SLC41A3: variants seen among roughly 807,000 people sequenced by gnomAD.
SLC41A3 encodes the protein SLC41A1-like 2.
Under a neutral mutation model 45.4 loss-of-function variants are expected in SLC41A3, and 44 were observed. That is an observed-to-expected ratio of 0.97 (90% CI 0.76 to 1.25). The LOEUF (loss-of-function observed/expected upper bound fraction) is 1.25, where lower values mean the gene tolerates loss of function less well. Among genes scored for constraint, SLC41A3 ranks in the 50% most tolerant of loss-of-function variants. The pLI is 0.00. For missense variants in SLC41A3, 550 were observed against 600.6 expected (o/e 0.92, Z 0.88); for synonymous variants, 256 against 252.4 (o/e 1.01, Z -0.13).
chr3:126,035,463 C>A (rs1942117658), intron 3 of SLC41A3, among the ~76,000 whole-genome samples: 2 of 152,160 alleles, frequency 1.3e-5, no homozygotes, highest in Admixed American at 1.3e-4. Context: ...AGACCGCTAC[C>A]TAAGAGAAAC....
At chr3:126,025,914 G>A (rs1941298297) in intron 5 of SLC41A3, 1 of 161,288 alleles carries the variant, frequency 6.2e-6, no homozygotes, top group Non-Finnish European at 1.4e-5. Context: ...CTTACCCTCA[G>A]GACACCTGCA....
chr3:126,101,151 G>A lies in SLC41A3; in HGVS notation c.-79+278C>T, dbSNP rs575058024. Among the ~76,000 whole-genome samples, 82 of 152,302 alleles carry A rather than the reference G, an allele frequency of 5.4e-4. 1 individual carries two copies. In the South Asian group the frequency reaches 0.017, roughly 31 times the overall value. ...GGGGTTGGGCAATGCCCATCGCCGT[G>A]TCACTGGGTCTGCTTCCAGCCAGCC... On this transcript the variant is annotated intron_variant, in intron 1 of 9. Transcript: ENST00000508835.
At chr3:126,100,194 T>C (rs1022876272) in intron 1 of SLC41A3, among the ~76,000 whole-genome samples, 2 of 96,346 alleles carry the variant, frequency 2.1e-5, no homozygotes, top group African/African-American at 5.0e-5. Flanking sequence ...CGGAGGGTCC[T>C]CTTCCCCCTC....
intron 1 of SLC41A3, among the ~76,000 whole-genome samples, chr3:126,075,443 T>TTA (rs1944835624): frequency 6.6e-6 from 1 of 151,684 alleles, no homozygotes; most frequent in Non-Finnish European, 1.5e-5. Flanking sequence ...AGTGGTCTTT[T>TTA]TTTTTTCTTT....
intron 1 of SLC41A3, among the ~76,000 whole-genome samples, chr3:126,100,847 C>T (rs1037871931): frequency 4.6e-5 from 7 of 152,184 alleles, no homozygotes; most frequent in Non-Finnish European, 1.0e-4. Flanking sequence ...AACCACACTC[C>T]GGGTTTGACT....
intron 6 of SLC41A3, among the ~76,000 whole-genome samples, chr3:126,020,898 T>C (rs1940797042): frequency 6.6e-6 from 1 of 151,920 alleles, no homozygotes; most frequent in Non-Finnish European, 1.5e-5. Context: ...TTAGAGTTTT[T>C]TTTTTTCTTT....
At chr3:126,033,468 TGGGAGGGACA>T in intron 4 of SLC41A3, 129 bp downstream of exon 4, 1 of 863,658 alleles carries the variant, frequency 1.2e-6, no homozygotes, top group Non-Finnish European at 1.8e-6. Flanking sequence ...CTATTGGATG[TGGGAGGGACA>T]GGTAGCTACC....
intron 3 of SLC41A3, among the ~76,000 whole-genome samples, chr3:126,046,500 A>C (rs1942970090): frequency 6.6e-6 from 1 of 152,194 alleles, no homozygotes; most frequent in Admixed American, 6.5e-5. Context: ...AAACAATACC[A>C]TTTATAATAG....
At chr3:126,056,178 C>T (rs1011107473) in intron 2 of SLC41A3, among the ~76,000 whole-genome samples, 1 of 152,154 alleles carries the variant, frequency 6.6e-6, no homozygotes, top group African/African-American at 2.4e-5. Flanking sequence ...GAGGTCTCAG[C>T]GTTGGAGGTC....
chr3:126,037,840 C>T (rs1474193818), intron 3 of SLC41A3, among the ~76,000 whole-genome samples: 3 of 152,202 alleles, frequency 2.0e-5, no homozygotes, highest in Non-Finnish European at 2.9e-5. Flanking sequence ...GCCTTGAAGG[C>T]ATTTCAGATT....
intron 1 of SLC41A3, among the ~76,000 whole-genome samples, chr3:126,100,167 A>G (rs6438971): frequency 0.61 from 92,633 of 151,850 alleles, 28,714 homozygotes; most frequent in African/African-American, 0.71. Context: ...CCCCAAAGAC[A>G]GGTCTCCACT....
upstream of SLC41A3, among the ~76,000 whole-genome samples, chr3:126,089,205 A>G (rs563451910): frequency 3.9e-5 from 6 of 152,316 alleles, no homozygotes; most frequent in African/African-American, 1.4e-4. Context: ...CCACAGAATC[A>G]TAACGACTGC....
chr3:126,041,976 G>GC (rs2107820232), intron 3 of SLC41A3, among the ~76,000 whole-genome samples: 1 of 152,250 alleles, frequency 6.6e-6, no homozygotes, highest in East Asian at 1.9e-4. Context: ...CCTCCACACA[G>GC]CATGGTGCAG....
At chr3:126,091,259 C>A (rs1195921459) in intron 1 of SLC41A3, among the ~76,000 whole-genome samples, 1 of 152,252 alleles carries the variant, frequency 6.6e-6, no homozygotes, top group East Asian at 1.9e-4. Context: ...CTTATTTTGC[C>A]AAGGTTAAAG....
chr3:126,057,180 C>G (rs1943725025), intron 2 of SLC41A3: 1 of 985,138 alleles, frequency 1.0e-6, no homozygotes, highest in South Asian at 4.7e-5. Flanking sequence ...GGAAGCCACG[C>G]CCTGGGTCAT....
At chr3:126,099,614 C>T (rs1187934420) in intron 1 of SLC41A3, among the ~76,000 whole-genome samples, 7 of 152,142 alleles carry the variant, frequency 4.6e-5, no homozygotes, top group African/African-American at 1.2e-4. Context: ...GCAGGAGAAT[C>T]GCTTGAACCC....
chr3:126,068,891 G>C (rs771479296), intron 1 of SLC41A3, among the ~76,000 whole-genome samples: 3 of 152,128 alleles, frequency 2.0e-5, no homozygotes, highest in Non-Finnish European at 4.4e-5. Flanking sequence ...ACCCCACTTG[G>C]AGTTCACCTG....
In SLC41A3 at chr3:126,007,237, G is replaced by A. The variant is rs1268609233; in HGVS notation, c.1255-12C>T. On this transcript the variant is annotated splice_polypyrimidine_tract_variant and intron_variant, in intron 10 of 10. Transcript: ENST00000360370. The stretch of plus-strand genomic sequence containing the variant: ...AGCAGGATTGTCACCTGTCAGAAGG[G>A]CAAAGAGACACAAAAGAAGACCAAG... 1 of 1,612,748 alleles carries A rather than the reference G, an allele frequency of 6.2e-7. No individual in the cohort carries two copies. Among genetic ancestry groups the A allele is most frequent in the South Asian group, 1.1e-5 (1 of 90,886 alleles).
upstream of SLC41A3, among the ~76,000 whole-genome samples, chr3:126,085,825 G>T (rs541824904): frequency 3.1e-3 from 468 of 152,030 alleles, 4 homozygotes; most frequent in Non-Finnish European, 3.9e-3. Flanking sequence ...GAGTGTCTGG[G>T]GGGGGGTTGA....
Sources: allele counts gnomAD v4.1 joint callset (sites outside exome capture counted in the v4.1 genomes callset), GRCh38; gene constraint gnomAD v4.1.1; transcripts MANE v1.5; gene names NCBI Gene and HGNC (gene_info 2026-07-23, HGNC 2026-07-21).